The following RHOT2 variants were observed in gnomAD, a reference collection of about 807,000 sequenced individuals.
RHOT2 encodes the protein ras homolog family member T2, also known as mitochondrial Rho GTPase 2.
RHOT2 carries 90 observed loss-of-function variants against 81.6 expected under a neutral mutation model. That is an observed-to-expected ratio of 1.10 (90% CI 0.93 to 1.31). The LOEUF (loss-of-function observed/expected upper bound fraction) is 1.31. Ranked by LOEUF, RHOT2 falls within the 40% of genes most tolerant of loss-of-function variation. The pLI is 0.00. For synonymous variants in RHOT2, 512 were observed against 370.9 expected, an observed-to-expected ratio of 1.38 and a Z score of -4.37; for missense variants, 1,014 against 841.9, an observed-to-expected ratio of 1.20 and a Z score of -2.53.
Position 673,722 on chromosome 16 carries a change from C to T in RHOT2, c.*116C>T, listed in dbSNP as rs1195765815. On this transcript the variant is annotated 3_prime_UTR_variant, in exon 19 of 19. Coordinates refer to ENST00000315082, the MANE Select transcript of RHOT2 (RefSeq NM_138769.3). ...CTGCCACTCCGGGAACGCCTTTGCG[C>T]CGGGACTTTTTGTTTCTGAAGGCAG... The T allele has an allele frequency of 7.5e-7, 1 of 1,339,540 alleles. No homozygotes were observed. Among genetic ancestry groups the T allele is most frequent in the Non-Finnish European group, 1.0e-6 (1 of 982,654 alleles). The allele number at this position is 1,339,540 out of a possible 1,614,324, so 83.0% of individuals were successfully genotyped here.
chr16:669,762 T>G, intron 5 of RHOT2, 156 bp downstream of exon 5: 1 of 727,514 alleles, frequency 1.4e-6, no homozygotes, highest in Non-Finnish European at 2.4e-6. Flanking sequence ...CCCTCTCCTG[T>G]GATCCCACTT....
rs1450666186 is a variant in RHOT2 at position 671,188 on chromosome 16, A to C, written c.854A>C (p.Asp285Ala). The C allele has an allele frequency of 1.3e-6, 2 of 1,566,346 alleles. No individual in the cohort carries two copies. Among genetic ancestry groups the C allele is most frequent in the South Asian group, 2.3e-5 (2 of 85,870 alleles). The change falls in exon 11 of 19, where the codon GAC (aspartate) becomes GCC (alanine). Residue 285 changes from aspartate (D) to alanine (A), a missense_variant. Physicochemically the swap from Asp to Ala is moderately radical, Grantham distance 126. Transcript: ENST00000315082. The part of the protein sequence containing the change: ...GYSDALELTA[D>A]YLSPLIHVPP... ...AGCGATGCCCTGGAGCTGACTGCGGACTATCTCTCCCCTCTGTGAGTGATG... is the reference window on the plus strand; with the variant it reads ...AGCGATGCCCTGGAGCTGACTGCGGCCTATCTCTCCCCTCTGTGAGTGATG...
Position 670,568 on chromosome 16 carries a change from G to T in RHOT2, c.540+11G>T. ...CCTGAGGCCAAGCAGGTGAGCATCG[G>T]CTGGGGCCCCGCACGCTGGTTCCCC... On this transcript the variant is annotated intron_variant, in intron 8 of 18. Coordinates refer to ENST00000315082, the MANE Select transcript of RHOT2 (RefSeq NM_138769.3). The T allele has an allele frequency of 2.5e-6, 4 of 1,599,762 alleles. No homozygotes were observed. The South Asian group carries it at 4.5e-5, about 18-fold the overall frequency.
intron 4 of RHOT2, 68 bp from the exon 5 acceptor site, chr16:669,484 TG>T (rs1394287561): frequency 6.6e-7 from 1 of 1,526,524 alleles, no homozygotes; most frequent in African/African-American, 1.4e-5. Context: ...CGAGATGGCG[TG>T]GAACGGCCAG....
At position 670,509 on chromosome 16, in the gene RHOT2, G is replaced by A. The variant is rs766167059; in HGVS notation, c.492G>A (p.Lys164=). Residue 164 remains lysine, a synonymous_variant, in exon 8 of 19, where the codon AAG becomes AAA. Transcript: ENST00000315082. The stretch of plus-strand genomic sequence containing the variant: ...CAGAGCTGTTCTACTACGCCCAGAA[G>A]GCCGTCCTGCATCCCACAGCCCCCC... The part of the protein sequence containing the change: ...NISELFYYAQ[K]AVLHPTAPLY... 5 of 1,608,510 alleles carry A rather than the reference G, an allele frequency of 3.1e-6. No individual in the cohort carries two copies. Among genetic ancestry groups the A allele is most frequent in the African/African-American group, 2.7e-5 (2 of 74,868 alleles).
Position 672,435 on chromosome 16 carries a change from G to GGGCAA in RHOT2, c.1326+52_1327-49dup, listed in dbSNP as rs1294036787. The GGGCAA allele has an allele frequency of 4.0e-5, 65 of 1,609,674 alleles. 1 individual carries two copies. In the East Asian group the frequency reaches 1.4e-3, roughly 35 times the overall value. On this transcript the variant is annotated intron_variant, in intron 15 of 18. Transcript: ENST00000315082. ...CCCCAGGGGCTCCAGGGGCAGGGCA[G>GGGCAA]GGCAATCTGGGGGGCACTGCAGCCA...
rs778615798 is a variant in RHOT2, at chr16:672,375, C to T, written c.1317C>T (p.Arg439=). ...KSAFLQAFLG[R]GLGHQDTREQ... is the part of the protein sequence containing the mutation. ...CCTTCCTGCAGGCCTTTCTCGGCCGCGGCCTGGGGGTAAGCACCCTAGACT... is the reference window on the plus strand; with the variant it reads ...CCTTCCTGCAGGCCTTTCTCGGCCGTGGCCTGGGGGTAAGCACCCTAGACT... Residue 439 remains arginine, a synonymous_variant, in exon 15 of 19, where the codon CGC becomes CGT. Coordinates refer to ENST00000315082, the MANE Select transcript of RHOT2 (RefSeq NM_138769.3). 52 of 1,609,956 alleles carry T rather than the reference C, an allele frequency of 3.2e-5. 2 individuals are homozygous for T. The South Asian group carries it at 4.7e-4, about 15-fold the overall frequency.
intron 5 of RHOT2, 118 bp from the exon 6 acceptor site, chr16:670,005 T>G (rs1277563178): frequency 1.1e-6 from 1 of 923,696 alleles, no homozygotes; most frequent in African/African-American, 1.7e-5. Context: ...GGCCGGGACT[T>G]GGGCCCTCAG....
chr16:671,810 G>GCCCCCCC, intron 12 of RHOT2, 29 bp downstream of exon 12: 8 of 1,586,200 alleles, frequency 5.0e-6, no homozygotes, highest in African/African-American at 1.4e-5. Flanking sequence ...CCCTGCCCCT[G>GCCCCCCC]CCCCCGCCCC....
chr16:670,991 A>T lies in RHOT2; in HGVS notation c.739A>T (p.Thr247Ser), dbSNP rs968443938. 7.6e-6 allele frequency: 12 copies of T among 1,586,958 alleles called. No individual in the cohort carries two copies. The highest frequency in any genetic ancestry group is 1.3e-5 in the African/African-American group (1 of 74,338). The change falls in exon 10 of 19, where the codon ACC becomes TCC. Residue 247 changes from threonine to serine, a missense_variant. Transcript: ENST00000315082. ...GGGCGGCGTGCGGGAGGACCGGCTG[A>T]CCCTGGATGGTGAGGCCGGGTGCCC... Reference protein sequence around the residue: ...VAGGVREDRLTLDGFLFLNTL... With the variant: ...VAGGVREDRLSLDGFLFLNTL...
chr16:671,807 C>T (rs373872719), intron 12 of RHOT2, 26 bp downstream of exon 12: 38 of 1,586,812 alleles, frequency 2.4e-5, no homozygotes, highest in African/African-American at 1.8e-4. Flanking sequence ...GTCCCCTGCC[C>T]CTGCCCCCGC....
At chr16:672,418 GCT>G (rs1567257283) in intron 15 of RHOT2, 34 bp downstream of exon 15, 1 of 1,602,464 alleles carries the variant, frequency 6.2e-7, no homozygotes, top group East Asian at 2.2e-5. Context: ...CACCCCAGGG[GCT>G]CCAGGGGCAG....
At chr16:668,295 C>T in intron 1 of RHOT2, 58 bp from the exon 2 acceptor site, 10 of 1,306,648 alleles carry the variant, frequency 7.7e-6, no homozygotes, top group Non-Finnish European at 8.9e-6. Context: ...GTGAGGGTCT[C>T]GGGGGTCGGG....
rs2038681131 is a variant in RHOT2, at chr16:670,195, G to A, written c.329+20G>A. The A allele has an allele frequency of 1.2e-6, 2 of 1,608,740 alleles. No homozygotes were observed. The stretch of plus-strand genomic sequence containing the variant: ...GCCCAGGTAATGAGGGGATGTGGAA[G>A]GGGCTGGGACCCCTGGCTCCCCTGC... On this transcript the variant is annotated intron_variant, in intron 6 of 18. Transcript: ENST00000315082.
Position 668,165 on chromosome 16 carries a change from G to A in RHOT2, c.-35G>A, listed in dbSNP as rs1470563118. 2.2e-6 allele frequency: 1 copy of A among 448,898 alleles called. No individual in the cohort carries two copies. Among genetic ancestry groups the A allele is most frequent in the East Asian group, 3.3e-5 (1 of 30,120 alleles). 27.8% of individuals were successfully genotyped at this position (448,898 alleles called of 1,614,324 possible). A position where few individuals can be genotyped will look rare whatever the true frequency, so the allele number is the denominator to read the frequency against. On this transcript the variant is annotated 5_prime_UTR_variant, in exon 1 of 19. Transcript: ENST00000315082. Reference sequence around the variant, plus strand: ...AGGCTTGAGGACCAGGTCGGGGCCGGGTTCCGGGTCGGGGAGCGGCTCCGG... The same window carrying A: ...AGGCTTGAGGACCAGGTCGGGGCCGAGTTCCGGGTCGGGGAGCGGCTCCGG...
chr16:668,711 G>T lies in RHOT2; in HGVS notation c.222+12G>T, dbSNP rs746364140. On this transcript the variant is annotated intron_variant, in intron 4 of 18. Transcript: ENST00000315082. The stretch of plus-strand genomic sequence containing the variant: ...AGGAGATCCACAAGGTACCCGTGGT[G>T]CGCGGGACGAGGGAGGGGCTGGGCG... 2.5e-6 allele frequency: 4 copies of T among 1,590,050 alleles called. No homozygotes were observed. The South Asian group carries it at 3.4e-5, about 14-fold the overall frequency.
In RHOT2 at chr16:673,635, G is replaced by C. The variant is rs370034126; in HGVS notation, c.*29G>C. ...CCCTGGTACCCAAGCCCCCTCCCCTGACCTGGGTGTGCCTCGCTGCTGGGG... is the reference window on the plus strand; with the variant it reads ...CCCTGGTACCCAAGCCCCCTCCCCTCACCTGGGTGTGCCTCGCTGCTGGGG... On this transcript the variant is annotated 3_prime_UTR_variant, in exon 19 of 19. Coordinates refer to ENST00000315082, the MANE Select transcript of RHOT2 (RefSeq NM_138769.3). The C allele has an allele frequency of 5.7e-5, 91 of 1,593,280 alleles. No individual in the cohort carries two copies. The African/African-American group carries it at 1.2e-3, about 20-fold the overall frequency.
At position 671,129 on chromosome 16, in the gene RHOT2, G is replaced by A; in HGVS notation, c.795G>A (p.Glu265=). The A allele has an allele frequency of 6.2e-7, 1 of 1,606,454 alleles. No individual in the cohort carries two copies. The highest frequency in any genetic ancestry group is 8.5e-7 in the Non-Finnish European group (1 of 1,178,270). Residue 265 remains glutamate, a synonymous_variant, in exon 11 of 19, where the codon GAG becomes GAA. Coordinates refer to ENST00000315082, the MANE Select transcript of RHOT2 (RefSeq NM_138769.3). ...TCTTCATCCAGCGCGGCCGGCACGA[G>A]ACCACCTGGACCATCCTGCGGCGCT... is the stretch of plus-strand genomic sequence containing the variant. ...NTLFIQRGRH[E]TTWTILRRFG... is the part of the protein sequence containing the mutation.
At position 670,993 on chromosome 16, in the gene RHOT2, C is replaced by T; in HGVS notation, c.741C>T (p.Thr247=). Residue 247 remains threonine, a synonymous_variant, in exon 10 of 19, where the codon ACC becomes ACT. Transcript: ENST00000315082. ...GCGGCGTGCGGGAGGACCGGCTGAC[C>T]CTGGATGGTGAGGCCGGGTGCCCGC... ...VAGGVREDRL[T]LDGFLFLNTL... is the part of the protein sequence containing the mutation. 6.3e-7 allele frequency: 1 copy of T among 1,588,824 alleles called. No individual in the cohort carries two copies. The highest frequency in any genetic ancestry group is 8.6e-7 in the Non-Finnish European group (1 of 1,168,652).
Sources: allele counts gnomAD v4.1 joint callset, GRCh38; gene constraint gnomAD v4.1.1; transcripts MANE v1.5; gene names NCBI Gene and HGNC (gene_info 2026-07-23, HGNC 2026-07-21).